ADARB2: variants seen among roughly 807,000 people sequenced by gnomAD.
The protein encoded by ADARB2 is adenosine deaminase RNA specific B2 (inactive), also known as inactive double-stranded RNA-specific editase B2.
A neutral mutation model predicts 62.2 loss-of-function variants in ADARB2; 25 were observed. The ratio of observed to expected loss-of-function variants is 0.40; its 90% CI spans 0.29 to 0.56. The LOEUF is 0.56. Ranked by LOEUF, ADARB2 falls within the 20% of genes least tolerant of loss-of-function variation. The pLI is 0.43. For synonymous variants in ADARB2, 572 were observed against 500.8 expected, an observed-to-expected ratio of 1.14 and a Z score of -1.90; for missense variants, 1,071 against 1,077.4, an observed-to-expected ratio of 0.99 and a Z score of 0.08.
At chr10:1,249,671 C>T (rs902470399) in intron 4 of ADARB2, among the ~76,000 whole-genome samples, 2 of 151,744 alleles carry the variant, frequency 1.3e-5, no homozygotes, top group Admixed American at 1.3e-4. Context: ...TATGGGGAAG[C>T]ACTCCAGGCA....
intron 1 of ADARB2, among the ~76,000 whole-genome samples, chr10:1,387,838 G>A (rs1317613088): frequency 6.6e-6 from 1 of 151,972 alleles, no homozygotes; most frequent in East Asian, 1.9e-4. Flanking sequence ...GAGCAGATGA[G>A]TTTTTAACAA....
chr10:1,281,505 A>G (rs1564245549), intron 3 of ADARB2, among the ~76,000 whole-genome samples: 1 of 152,250 alleles, frequency 6.6e-6, no homozygotes, highest in Non-Finnish European at 1.5e-5. Flanking sequence ...TGGATTGGAT[A>G]GCTCCAGCAC....
chr10:1,508,112 C>T (rs1381031564), intron 1 of ADARB2, among the ~76,000 whole-genome samples: 2 of 152,152 alleles, frequency 1.3e-5, no homozygotes, highest in African/African-American at 2.4e-5. Context: ...CGCGTGTGAA[C>T]GTGAATTATC....
At chr10:1,325,614 A>T (rs1395492960) in intron 3 of ADARB2, among the ~76,000 whole-genome samples, 1 of 152,048 alleles carries the variant, frequency 6.6e-6, no homozygotes, top group African/African-American at 2.4e-5. Context: ...ACGGGACAAG[A>T]CCCCGGGACC....
chr10:1,510,549 C>A (rs112084260), intron 1 of ADARB2, among the ~76,000 whole-genome samples: 3 of 152,230 alleles, frequency 2.0e-5, no homozygotes, highest in African/African-American at 7.2e-5. Flanking sequence ...TATTTTCAAA[C>A]CAAAGCTAAA....
At position 1,680,877 on chromosome 10, in the gene ADARB2, C is replaced by T. The variant is rs374866918; in HGVS notation, c.100+56174G>A. ...ATAAAAACTCTCCTTTTATAGTCTACGAAGGCTGCAGCAGGGGACTGAATC... is the reference window on the plus strand; with the variant it reads ...ATAAAAACTCTCCTTTTATAGTCTATGAAGGCTGCAGCAGGGGACTGAATC... On this transcript the variant is annotated intron_variant, in intron 1 of 9. Transcript: ENST00000381312. Among the ~76,000 whole-genome samples, 158 of 152,288 alleles carry T rather than the reference C, an allele frequency of 1.0e-3. 2 individuals carry two copies. In the East Asian group the frequency reaches 0.017, roughly 17 times the overall value.
intron 1 of ADARB2, among the ~76,000 whole-genome samples, chr10:1,734,296 GTTT>G (rs11338512): frequency 0.044 from 5,767 of 130,738 alleles, 157 homozygotes; most frequent in Non-Finnish European, 0.058. Context: ...TGACGAAGGT[GTTT>G]TTTTTTTTTT....
intron 1 of ADARB2, among the ~76,000 whole-genome samples, chr10:1,612,878 T>G (rs1214978496): frequency 6.6e-6 from 1 of 152,248 alleles, no homozygotes; most frequent in East Asian, 1.9e-4. Context: ...AGGATAAGTG[T>G]GCAGAGCCCT....
chr10:1,293,951 G>C (rs1469457779), intron 3 of ADARB2, among the ~76,000 whole-genome samples: 1 of 151,956 alleles, frequency 6.6e-6, no homozygotes, highest in Non-Finnish European at 1.5e-5. Context: ...CAAAACAAAA[G>C]ACAGCATCTG....
chr10:1,270,002 T>C (rs532019021), intron 4 of ADARB2, among the ~76,000 whole-genome samples: 3 of 152,320 alleles, frequency 2.0e-5, no homozygotes, highest in South Asian at 2.1e-4. Context: ...TCAAAGAATC[T>C]CATATTCTAG....
chr10:1,634,017 C>T (rs913136175), intron 1 of ADARB2, among the ~76,000 whole-genome samples: 1 of 152,220 alleles, frequency 6.6e-6, no homozygotes, highest in African/African-American at 2.4e-5. Context: ...CCTCTCTTCA[C>T]ACCTCCCTTG....
intron 1 of ADARB2, among the ~76,000 whole-genome samples, chr10:1,406,324 T>C (rs551294875): frequency 3.3e-5 from 5 of 152,332 alleles, no homozygotes; most frequent in East Asian, 1.9e-4. Flanking sequence ...CTCAGGACAC[T>C]TGCTGTCTGT....
chr10:1,509,232 G>A (rs993955226), intron 1 of ADARB2, among the ~76,000 whole-genome samples: 1 of 152,136 alleles, frequency 6.6e-6, no homozygotes, highest in African/African-American at 2.4e-5. Flanking sequence ...CAGTAAACAC[G>A]TTCCATCAGG....
chr10:1,575,575 G>A (rs1383650632), intron 1 of ADARB2, among the ~76,000 whole-genome samples: 16 of 152,222 alleles, frequency 1.1e-4, no homozygotes, highest in Admixed American at 7.2e-4. Flanking sequence ...GGAGACACAT[G>A]CGTGCAGACG....
intron 1 of ADARB2, among the ~76,000 whole-genome samples, chr10:1,587,596 C>T (rs141148240): frequency 6.6e-5 from 10 of 152,062 alleles, no homozygotes; most frequent in South Asian, 2.1e-4. Flanking sequence ...GGGGAGATAG[C>T]GTGGGTTCCC....
chr10:1,209,562 C>G (rs1837119936), intron 7 of ADARB2, among the ~76,000 whole-genome samples: 1 of 149,496 alleles, frequency 6.7e-6, no homozygotes, highest in African/African-American at 2.5e-5. Context: ...ATCACCCACA[C>G]CCACATCATC....
chr10:1,669,953 C>G (rs761684565), intron 1 of ADARB2, among the ~76,000 whole-genome samples: 6 of 151,782 alleles, frequency 4.0e-5, no homozygotes, highest in Admixed American at 6.6e-5. Context: ...CAGACACATG[C>G]AGACACACAG....
At chr10:1,555,858 A>G (rs985396089) in intron 1 of ADARB2, among the ~76,000 whole-genome samples, 1 of 152,080 alleles carries the variant, frequency 6.6e-6, no homozygotes, top group African/African-American at 2.4e-5. Context: ...TTGCTTGAAC[A>G]TGGGAGATGG....
At chr10:1,327,226 TC>T (rs1831870120) in intron 3 of ADARB2, among the ~76,000 whole-genome samples, 1 of 107,764 alleles carries the variant, frequency 9.3e-6, no homozygotes, top group Non-Finnish European at 2.0e-5. Context: ...GTTCAGCGCC[TC>T]CCCACGGCAC....
Sources: allele counts gnomAD v4.1 joint callset (sites outside exome capture counted in the v4.1 genomes callset), GRCh38; gene constraint gnomAD v4.1.1; transcripts MANE v1.5; gene names NCBI Gene and HGNC (gene_info 2026-07-23, HGNC 2026-07-21).